The following TNNT1 variants were observed in gnomAD, a reference collection of about 807,000 sequenced individuals.
TNNT1 encodes the protein troponin T, slow skeletal muscle.
Under a neutral mutation model 50.6 loss-of-function variants are expected in TNNT1, and 53 were observed. The observed-to-expected ratio is 1.05, with a 90% CI of 0.84 to 1.32. The LOEUF (loss-of-function observed/expected upper bound fraction) is 1.32, where lower values mean the gene tolerates loss of function less well. Among genes scored for constraint, TNNT1 ranks in the 40% most tolerant of loss-of-function variants. The pLI is 0.00. For missense variants in TNNT1, 348 were observed against 381.7 expected (o/e 0.91, Z 0.74); for synonymous variants, 142 against 138.0 (o/e 1.03, Z -0.20).
chr19:55,149,106 C>G (rs2085633271), intron 1 of TNNT1, 55 bp downstream of exon 1: 1 of 455,106 alleles, frequency 2.2e-6, no homozygotes, highest in Admixed American at 2.4e-5. Context: ...GCCTCCTGCC[C>G]CCTCCCCCAA....
At chr19:55,148,418 G>A (rs562036924) in intron 1 of TNNT1, among the ~76,000 whole-genome samples, 92 of 152,084 alleles carry the variant, frequency 6.0e-4, no homozygotes, top group African/African-American at 2.0e-3. Context: ...AGACCTCAAA[G>A]TCTTTGAGAC....
rs118032621 is a variant in TNNT1, at chr19:55,133,401, T to C, written c.792-441A>G. ...GAGATTCAGGGAAGACCCTCTCGGC[T>C]GGGCGCGGTGGCTCACGCCTGTAAT... On this transcript the variant is annotated intron_variant, in intron 13 of 13. Coordinates refer to ENST00000588981, the MANE Select transcript of TNNT1 (RefSeq NM_003283.6). 2.3e-4 allele frequency among the ~76,000 whole-genome samples: 34 copies of C among 151,098 alleles called. 2 individuals carry two copies. In the East Asian group the frequency reaches 5.3e-3, roughly 24 times the overall value.
At chr19:55,141,724 G>A (rs2085459386) in intron 7 of TNNT1, 133 bp downstream of exon 7, 2 of 1,008,894 alleles carry the variant, frequency 2.0e-6, no homozygotes, top group Non-Finnish European at 3.1e-6. Context: ...CCTCAGGTGG[G>A]TCACCTCAGC....
chr19:55,146,568 T>TA, intron 4 of TNNT1, 102 bp from the exon 5 acceptor site: 2 of 1,177,890 alleles, frequency 1.7e-6, no homozygotes, highest in Non-Finnish European at 2.3e-6. Flanking sequence ...GAGAGGCTGT[T>TA]AGAGGACCGG....
chr19:55,141,156 G>GA lies in TNNT1; in HGVS notation c.309+29dup, dbSNP rs758531054. ...CAAGGGATCCACATGGAGGGAGGAAGACCGGGGGGAACCCGGACTCTCGGC... is the reference window on the plus strand; with the variant it reads ...CAAGGGATCCACATGGAGGGAGGAAGAACCGGGGGGAACCCGGACTCTCGGC... On this transcript the variant is annotated intron_variant, in intron 8 of 13. Transcript: ENST00000588981. The GA allele has an allele frequency of 6.3e-5, 100 of 1,584,798 alleles. No individual in the cohort carries two copies. In the Admixed American group the frequency reaches 1.7e-3, roughly 26 times the overall value.
intron 4 of TNNT1, 81 bp from the exon 5 acceptor site, chr19:55,146,547 G>A (rs2085556632): frequency 8.8e-7 from 1 of 1,142,538 alleles, no homozygotes; most frequent in Non-Finnish European, 1.2e-6. Context: ...GGGGAGAGAG[G>A]GAAGAGACGT....
intron 5 of TNNT1, among the ~76,000 whole-genome samples, chr19:55,145,808 AC>A (rs35265642): frequency 6.7e-6 from 1 of 149,494 alleles, no homozygotes; most frequent in Non-Finnish European, 1.5e-5. Flanking sequence ...TGGTGTGGGG[AC>A]CCCCCACCCC....
intron 9 of TNNT1, among the ~76,000 whole-genome samples, chr19:55,139,953 A>G (rs922441716): frequency 3.3e-5 from 5 of 151,318 alleles, no homozygotes; most frequent in African/African-American, 1.2e-4. Flanking sequence ...GAGAAACCCC[A>G]TTTCTACTAA....
chr19:55,149,023 A>C, intron 1 of TNNT1, 138 bp downstream of exon 1: 2 of 392,480 alleles, frequency 5.1e-6, no homozygotes, highest in South Asian at 3.6e-5. Context: ...GAGCCTCTCA[A>C]GTTCCCAGAC....
At chr19:55,146,496 T>A in intron 4 of TNNT1, 30 bp from the exon 5 acceptor site, 1 of 1,320,806 alleles carries the variant, frequency 7.6e-7, no homozygotes. Context: ...GCAGCGAGGG[T>A]TTGGGGAGCG....
chr19:55,146,487 C>T, intron 4 of TNNT1, 21 bp from the exon 5 acceptor site: 1 of 1,312,184 alleles, frequency 7.6e-7, no homozygotes, highest in South Asian at 2.0e-5. Flanking sequence ...GAGGGAGGAG[C>T]AGCGAGGGTT....
Position 55,141,324 on chromosome 19 carries a change from C to T in TNNT1, c.193-22G>A, listed in dbSNP as rs201286807. On this transcript the variant is annotated intron_variant, in intron 7 of 13. Transcript: ENST00000588981. The stretch of plus-strand genomic sequence containing the variant: ...TGTCCTGCAGGACACACGGGCAGCC[C>T]GTCCTAGGAGACCCTGGAGGGGGCA... The T allele has an allele frequency of 1.6e-5, 26 of 1,599,830 alleles. No individual in the cohort carries two copies. In the Admixed American group the frequency reaches 1.8e-4, roughly 11 times the overall value.
At chr19:55,146,752 G>A (rs1001002451) in intron 3 of TNNT1, 45 bp from the exon 4 acceptor site, 21 of 1,441,868 alleles carry the variant, frequency 1.5e-5, no homozygotes, top group Non-Finnish European at 1.9e-5. Context: ...AGCTGGGGGA[G>A]GGATGGGGGC....
rs371282459 is a variant in TNNT1, at chr19:55,141,305, G to A, written c.193-3C>T. ...TCCATGCGCTTGCGGTGGATGTCCTGCAGGACACACGGGCAGCCCGTCCTA... is the reference window on the plus strand; with the variant it reads ...TCCATGCGCTTGCGGTGGATGTCCTACAGGACACACGGGCAGCCCGTCCTA... On this transcript the variant is annotated splice_polypyrimidine_tract_variant and splice_region_variant and intron_variant, in intron 7 of 13. Transcript: ENST00000588981. 2.5e-6 allele frequency: 4 copies of A among 1,612,938 alleles called. No individual in the cohort carries two copies. Among genetic ancestry groups the A allele is most frequent in the Non-Finnish European group, 3.4e-6 (4 of 1,179,022 alleles).
intron 5 of TNNT1, 77 bp from the exon 6 acceptor site, chr19:55,145,642 G>A: frequency 6.4e-7 from 1 of 1,557,104 alleles, no homozygotes. Flanking sequence ...ACACCCTGGG[G>A]AGGGACCCCC....
intron 13 of TNNT1, among the ~76,000 whole-genome samples, chr19:55,133,221 G>A (rs2085279070): frequency 6.6e-6 from 1 of 151,734 alleles, no homozygotes; most frequent in African/African-American, 2.4e-5. Context: ...GAATGTTTAT[G>A]AGTCAGGGGC....
At chr19:55,133,797 G>A (rs982786905) in intron 13 of TNNT1, 90 bp downstream of exon 13, 3 of 1,463,362 alleles carry the variant, frequency 2.1e-6, no homozygotes, top group Admixed American at 1.7e-5. Context: ...TCAGGCAGTG[G>A]GGGATGGAGC....
At chr19:55,141,158 C>CG in intron 8 of TNNT1, 28 bp downstream of exon 8, 2 of 1,594,522 alleles carry the variant, frequency 1.3e-6, no homozygotes, top group Non-Finnish European at 1.7e-6. Context: ...GGGAGGAAGA[C>CG]CGGGGGGAAC....
chr19:55,133,718 G>T, intron 13 of TNNT1, 169 bp downstream of exon 13: 3 of 732,454 alleles, frequency 4.1e-6, no homozygotes, highest in Non-Finnish European at 7.0e-6. Flanking sequence ...AAAAGGAACT[G>T]AGACCCAGGA....
Sources: gnomAD v4.1 joint callset for allele counts (sites outside exome capture counted in the v4.1 genomes callset) on GRCh38, gnomAD v4.1.1 for gene constraint, MANE v1.5 for transcripts, NCBI Gene and HGNC (gene_info 2026-07-23, HGNC 2026-07-21) for gene names.